Variants in STX2 observed in about 807,000 individuals in gnomAD.
STX2 encodes the protein syntaxin-2.
STX2 carries 27 observed loss-of-function variants against 40.6 expected under a neutral mutation model. The observed-to-expected ratio is 0.66, with a 90% CI of 0.49 to 0.92. The LOEUF (loss-of-function observed/expected upper bound fraction) is 0.92. STX2 is among the 40% of genes least tolerant of loss of function. The pLI, the probability that STX2 is intolerant of heterozygous loss-of-function variation, is 0.00. For synonymous variants in STX2, 123 were observed against 119.1 expected (o/e 1.03, Z -0.22); for missense variants, 328 against 366.1 (o/e 0.90, Z 0.85).
At chr12:130,814,879 C>T (rs1214921164) in intron 3 of STX2, among the ~76,000 whole-genome samples, 1 of 152,074 alleles carries the variant, frequency 6.6e-6, no homozygotes, top group Non-Finnish European at 1.5e-5. Context: ...TCGAGATCCG[C>T]CCACCTCAGC....
intron 1 of STX2, among the ~76,000 whole-genome samples, chr12:130,828,632 C>T (rs1952425349): frequency 2.0e-5 from 3 of 151,076 alleles, no homozygotes; most frequent in Admixed American, 6.6e-5. Flanking sequence ...TTTGGGAGGC[C>T]GAGGCGGGTG....
chr12:130,832,109 C>T (rs894884295), intron 1 of STX2, among the ~76,000 whole-genome samples: 2 of 152,126 alleles, frequency 1.3e-5, no homozygotes, highest in South Asian at 4.1e-4. Flanking sequence ...GGTCTCCCCA[C>T]GTGCTGGTAT....
intron 3 of STX2, among the ~76,000 whole-genome samples, chr12:130,814,695 G>GGCACA (rs1593156061): frequency 6.7e-6 from 1 of 149,014 alleles, no homozygotes; most frequent in Non-Finnish European, 1.5e-5. Context: ...GGAGTGCAGT[G>GGCACA]GCACAATCTC....
At chr12:130,821,353 A>G (rs964527262) in intron 3 of STX2, among the ~76,000 whole-genome samples, 7 of 152,178 alleles carry the variant, frequency 4.6e-5, no homozygotes, top group African/African-American at 1.7e-4. Flanking sequence ...TCCCTGATTC[A>G]CTGCCCTCTG....
rs61305883 is a variant in STX2 at position 130,835,616 on chromosome 12, G to A, written c.30+3454C>T. ...CCTACAGTGAATTTCATTACACCTC[G>A]GTCACTCTTCCTTCCCAGGCTGCAT... On this transcript the variant is annotated intron_variant, in intron 1 of 10. Transcript: ENST00000392373. Among the ~76,000 whole-genome samples, 809 of 152,032 alleles carry A rather than the reference G, an allele frequency of 5.3e-3. 19 individuals carry two copies. In the East Asian group the frequency reaches 0.08, roughly 15 times the overall value.
chr12:130,794,886 G>A (rs1008885216), intron 10 of STX2, among the ~76,000 whole-genome samples: 18 of 152,104 alleles, frequency 1.2e-4, no homozygotes, highest in East Asian at 3.8e-4. Flanking sequence ...AGACACCTGG[G>A]AACAGTTCAC....
At chr12:130,837,535 C>T (rs1288755438) in intron 1 of STX2, among the ~76,000 whole-genome samples, 2 of 152,184 alleles carry the variant, frequency 1.3e-5, no homozygotes, top group African/African-American at 2.4e-5. Flanking sequence ...CCACCCAACT[C>T]GGCCTCCCAA....
At chr12:130,805,379 T>C (rs553729589) in intron 6 of STX2, among the ~76,000 whole-genome samples, 143 of 152,306 alleles carry the variant, frequency 9.4e-4, no homozygotes, top group African/African-American at 3.3e-3. Context: ...GGAACTCTCG[T>C]GTCAGCCACA....
At chr12:130,813,490 A>T (rs1316141916) in intron 3 of STX2, among the ~76,000 whole-genome samples, 1 of 152,148 alleles carries the variant, frequency 6.6e-6, no homozygotes, top group Non-Finnish European at 1.5e-5. Context: ...TGTCTCCCCA[A>T]AACGCCCGAA....
At chr12:130,818,170 C>CAAAAAAAAAAAAA (rs756794046) in intron 3 of STX2, among the ~76,000 whole-genome samples, 1 of 49,864 alleles carries the variant, frequency 2.0e-5, no homozygotes, top group African/African-American at 1.6e-4. Context: ...GCTGTTTCTA[C>CAAAAAAAAAAAAA]AAAAAAAAAA....
chr12:130,837,380 G>A (rs1003761076), intron 1 of STX2, among the ~76,000 whole-genome samples: 3 of 152,028 alleles, frequency 2.0e-5, no homozygotes, highest in Non-Finnish European at 2.9e-5. Context: ...TGCAACCTCC[G>A]CCTCCTGGAT....
Position 130,807,918 on chromosome 12 carries a change from G to A in STX2, c.354+713C>T, listed in dbSNP as rs938193838. Among the ~76,000 whole-genome samples, 5 of 151,974 alleles carry A rather than the reference G, an allele frequency of 3.3e-5. 1 individual carries two copies. In the East Asian group the frequency reaches 7.7e-4, roughly 23 times the overall value. On this transcript the variant is annotated intron_variant, in intron 5 of 10. Coordinates refer to ENST00000392373, the MANE Select transcript of STX2 (RefSeq NM_194356.4). ...CTGCAGTGACAGAAGGCCGCACATC[G>A]CCCCAGCAGCCTCCTGCACAAAGTG... is the stretch of plus-strand genomic sequence containing the variant.
At chr12:130,793,788 C>T (rs1290877330) in intron 10 of STX2, among the ~76,000 whole-genome samples, 1 of 152,186 alleles carries the variant, frequency 6.6e-6, no homozygotes, top group African/African-American at 2.4e-5. Flanking sequence ...GCAGCCAGCC[C>T]CAGGAAGGCC....
chr12:130,806,143 G>C (rs1234051112), intron 6 of STX2, among the ~76,000 whole-genome samples: 1 of 152,232 alleles, frequency 6.6e-6, no homozygotes. Context: ...GAGCCTCGCT[G>C]AGCTGTGGGA....
At chr12:130,818,159 C>T (rs1340594130) in intron 3 of STX2, among the ~76,000 whole-genome samples, 1 of 74,080 alleles carries the variant, frequency 1.3e-5, no homozygotes, top group Non-Finnish European at 2.4e-5. Context: ...CAGTGAGAAA[C>T]GCTGTTTCTA....
chr12:130,825,651 C>T (rs1328700085), intron 2 of STX2, among the ~76,000 whole-genome samples: 1 of 152,134 alleles, frequency 6.6e-6, no homozygotes, highest in African/African-American at 2.4e-5. Context: ...TACTAGAAAA[C>T]CAGTGACTAG....
intron 6 of STX2, among the ~76,000 whole-genome samples, chr12:130,801,875 G>C (rs952419967): frequency 2.0e-5 from 3 of 152,164 alleles, no homozygotes; most frequent in Non-Finnish European, 2.9e-5. Flanking sequence ...CACGTAATGA[G>C]AGTCAGATGC....
chr12:130,798,708 G>A (rs1951114650), intron 8 of STX2, 73 bp from the exon 9 acceptor site: 1 of 1,185,960 alleles, frequency 8.4e-7, no homozygotes, highest in South Asian at 1.5e-5. Context: ...GACAACCATA[G>A]AACAAAGGTT....
rs142464134 is a variant in STX2, at chr12:130,802,343, G to C, written c.464-855C>G. ...CCCCTGAGTGGTGGGGACTACACGCGTGCGTCACCACGCCCGGCTAATTTT... is the reference window on the plus strand; with the variant it reads ...CCCCTGAGTGGTGGGGACTACACGCCTGCGTCACCACGCCCGGCTAATTTT... On this transcript the variant is annotated intron_variant, in intron 6 of 10. Transcript: ENST00000392373. 1.2e-3 allele frequency among the ~76,000 whole-genome samples: 183 copies of C among 152,200 alleles called. 1 individual carries two copies. Among genetic ancestry groups the C allele is most frequent in the South Asian group, 2.9e-3 (14 of 4,814 alleles).
Sources: allele counts gnomAD v4.1 joint callset (sites outside exome capture counted in the v4.1 genomes callset), GRCh38; gene constraint gnomAD v4.1.1; transcripts MANE v1.5; gene names NCBI Gene and HGNC (gene_info 2026-07-23, HGNC 2026-07-21).